The following PPP1R16A variants were observed in gnomAD, a reference collection of about 807,000 sequenced individuals.
PPP1R16A encodes the protein protein phosphatase 1 regulatory subunit 16A.
PPP1R16A carries 39 observed loss-of-function variants against 46.6 expected under a neutral mutation model. That is an observed-to-expected ratio of 0.84 (90% CI 0.65 to 1.09). PPP1R16A has a LOEUF of 1.09. PPP1R16A is among the 50% of genes least tolerant of loss of function. PPP1R16A has a pLI of 0.00. For missense variants in PPP1R16A, 798 were observed against 735.6 expected, an observed-to-expected ratio of 1.08 and a Z score of -0.98; for synonymous variants, 413 against 321.5, an observed-to-expected ratio of 1.28 and a Z score of -3.04.
Position 144,501,655 on chromosome 8 carries a change from C to G in PPP1R16A, c.1339C>G (p.Leu447Val). The G allele has an allele frequency of 1.9e-6, 3 of 1,610,884 alleles. No homozygotes were observed. The highest frequency in any genetic ancestry group is 2.5e-6 in the Non-Finnish European group (3 of 1,179,076). ...CCTGGACAGCACCACCCCCCACACC[C>G]TGGTCCACGACAAGGCCCACCACAC... is the stretch of plus-strand genomic sequence containing the variant. ...SPLDSTTPHTLVHDKAHHTLA... is the reference protein window; with the variant it reads ...SPLDSTTPHTVVHDKAHHTLA... Residue 447 changes from leucine to valine, a missense_variant, in exon 12 of 12, where the codon CTG becomes GTG. By Grantham distance (32) the Leu-to-Val change is conservative. Transcript: ENST00000435887.
rs750983778 is a variant in PPP1R16A, at chr8:144,501,929, C to G, written c.*26C>G. On this transcript the variant is annotated 3_prime_UTR_variant, in exon 12 of 12. Coordinates refer to ENST00000435887, the MANE Select transcript of PPP1R16A (RefSeq NM_001329443.2). ...GGCTGTTGCTCAGCATGCAGGGGCC[C>G]TGTCGCGGGCACAGCCCAAGGCTGC... 6.7e-7 allele frequency: 1 copy of G among 1,489,544 alleles called. No individual in the cohort carries two copies. The highest frequency in any genetic ancestry group is 8.9e-7 in the Non-Finnish European group (1 of 1,121,012). The allele number at this position is 1,489,544 out of a possible 1,614,324, so 92.3% of individuals were successfully genotyped here.
chr8:144,501,031 G>T (rs930368592), intron 10 of PPP1R16A, 60 bp downstream of exon 10: 1,792 of 1,504,708 alleles, frequency 1.2e-3, no homozygotes, highest in Non-Finnish European at 1.5e-3. Context: ...TCAGCCCCGG[G>T]CGGAGTGCCA....
intron 3 of PPP1R16A, chr8:144,498,457 C>T: frequency 2.4e-6 from 1 of 408,362 alleles, no homozygotes; most frequent in East Asian, 4.3e-5. Flanking sequence ...GGAGCTCTTC[C>T]TGGGCTGGAG....
chr8:144,499,190 C>T, intron 5 of PPP1R16A, 129 bp downstream of exon 5: 8 of 1,231,206 alleles, frequency 6.5e-6, no homozygotes, highest in East Asian at 2.6e-5. Context: ...CTGACCCTGC[C>T]TGTGTCCTGG....
intron 1 of PPP1R16A, among the ~76,000 whole-genome samples, chr8:144,483,315 C>T (rs1319962113): frequency 6.6e-6 from 1 of 152,228 alleles, no homozygotes; most frequent in African/African-American, 2.4e-5. Flanking sequence ...AGGCTTTCCT[C>T]CTGTTTCATG....
At chr8:144,483,805 A>G (rs1487878721) in intron 1 of PPP1R16A, among the ~76,000 whole-genome samples, 3 of 152,146 alleles carry the variant, frequency 2.0e-5, no homozygotes, top group Non-Finnish European at 4.4e-5. Flanking sequence ...GGTTCAAGCA[A>G]TCCTCCTGCT....
chr8:144,492,924 A>G (rs1825876198), intron 2 of PPP1R16A, among the ~76,000 whole-genome samples: 1 of 152,014 alleles, frequency 6.6e-6, no homozygotes, highest in Non-Finnish European at 1.5e-5. Context: ...CACCATGGAC[A>G]CTGGGAGATG....
In PPP1R16A at chr8:144,500,893, A is replaced by C; in HGVS notation, c.959A>C (p.Lys320Thr). Residue 320 changes from lysine (K) to threonine (T), a missense_variant, in exon 10 of 12, where the codon AAG becomes ACG. By Grantham distance (78) the Lys-to-Thr change is moderately conservative. Transcript: ENST00000435887. ...GCCAAGCTGCTGGAGCTGAAGCACA[A>C]GCACGACGCCCTCCTGCGCGCCCAG... Reference protein sequence around the residue: ...VRAKLLELKHKHDALLRAQSR... With the variant: ...VRAKLLELKHTHDALLRAQSR... The C allele has an allele frequency of 5.2e-6, 8 of 1,548,596 alleles. No individual in the cohort carries two copies. The highest frequency in any genetic ancestry group is 7.0e-6 in the Non-Finnish European group (8 of 1,149,140).
In PPP1R16A at chr8:144,500,749, G is replaced by A. The variant is rs1345377066; in HGVS notation, c.895G>A (p.Glu299Lys). 1.2e-6 allele frequency: 2 copies of A among 1,611,796 alleles called. No homozygotes were observed. Among genetic ancestry groups the A allele is most frequent in the African/African-American group, 1.3e-5 (1 of 75,040 alleles). The part of the protein sequence containing the change: ...ADLNAKSLMD[E>K]TPLDVCGDEE... ...CCTGAACGCAAAGTCCCTGATGGAC[G>A]AGACGCCCCTTGGTGAGCTTGCGGG... is the stretch of plus-strand genomic sequence containing the variant. The change falls in exon 9 of 12, where the codon GAG becomes AAG. Residue 299 changes from glutamate to lysine, a missense_variant. Glu to Lys is a moderately conservative substitution (Grantham distance 56, BLOSUM62 1). Transcript: ENST00000435887.
intron 1 of PPP1R16A, 61 bp downstream of exon 1, chr8:144,478,188 A>G (rs1233993929): frequency 1.8e-5 from 7 of 393,010 alleles, no homozygotes; most frequent in African/African-American, 1.0e-4. Context: ...GGCCCCGGCC[A>G]GGGAGAGCAG....
At chr8:144,478,191 G>T (rs1207287182) in intron 1 of PPP1R16A, 64 bp downstream of exon 1, 3 of 393,226 alleles carry the variant, frequency 7.6e-6, no homozygotes, top group Middle Eastern at 6.4e-4. Flanking sequence ...CCCGGCCAGG[G>T]AGAGCAGTGG....
chr8:144,489,853 G>A (rs1443058349), intron 1 of PPP1R16A, among the ~76,000 whole-genome samples, 181 bp from the exon 2 acceptor site: 1 of 152,214 alleles, frequency 6.6e-6, no homozygotes, highest in Non-Finnish European at 1.5e-5. Context: ...TCACATTTCA[G>A]GAGGTCTCTA....
intron 2 of PPP1R16A, chr8:144,495,651 T>A (rs549153321): frequency 6.6e-6 from 1 of 152,398 alleles, no homozygotes; most frequent in African/African-American, 2.4e-5. Context: ...TTAGCTAGGA[T>A]GGTCTCGATC....
intron 1 of PPP1R16A, among the ~76,000 whole-genome samples, chr8:144,484,767 G>C (rs184949265): frequency 6.6e-6 from 1 of 152,202 alleles, no homozygotes; most frequent in Admixed American, 6.5e-5. Flanking sequence ...TGGTCCACGC[G>C]TATCTCCTGT....
At position 144,478,033 on chromosome 8, in the gene PPP1R16A, GGGGCCCGCCCC is replaced by G. The variant is rs1825245287; in HGVS notation, c.-1007_-997del. ...CGTTGCCATGGCGAGGGCCGGGTGC[GGGGCCCGCCCC>G]CGCAGCGCCTCAGGGAGCGCGGGGC... On this transcript the variant is annotated 5_prime_UTR_variant, in exon 1 of 12. The change creates a premature stop within an existing upstream ORF in the 5' untranslated region. Coordinates refer to ENST00000435887, the MANE Select transcript of PPP1R16A (RefSeq NM_001329443.2). The G allele has an allele frequency of 8.9e-5, 35 of 394,194 alleles. No homozygotes were observed. The Admixed American group carries it at 1.6e-3, about 18-fold the overall frequency. 24.4% of individuals were successfully genotyped at this position (394,194 alleles called of 1,614,324 possible).
chr8:144,495,116 G>A (rs538336034), intron 2 of PPP1R16A, among the ~76,000 whole-genome samples: 2 of 152,342 alleles, frequency 1.3e-5, no homozygotes, highest in African/African-American at 4.8e-5. Context: ...CAGGGCCACT[G>A]GCCTTATTGG....
rs771707681 is a variant in PPP1R16A, at chr8:144,501,663, C to T, written c.1347C>T (p.His449=). ...GCACCACCCCCCACACCCTGGTCCA[C>T]GACAAGGCCCACCACACCCTGGCTG... The part of the protein sequence containing the change: ...LDSTTPHTLV[H]DKAHHTLADL... The change falls in exon 12 of 12, where the codon CAC becomes CAT. Residue 449 remains histidine (H), a synonymous_variant. Transcript: ENST00000435887. The T allele has an allele frequency of 8.1e-6, 13 of 1,610,070 alleles. No homozygotes were observed. Among genetic ancestry groups the T allele is most frequent in the East Asian group, 6.7e-5 (3 of 44,566 alleles).
chr8:144,500,951 C>T lies in PPP1R16A; in HGVS notation c.1017C>T (p.Thr339=). 2.0e-6 allele frequency: 3 copies of T among 1,487,226 alleles called. No individual in the cohort carries two copies. The highest frequency in any genetic ancestry group is 1.8e-6 in the Non-Finnish European group (2 of 1,126,570). The allele number at this position is 1,487,226 out of a possible 1,614,324, so 92.1% of individuals were successfully genotyped here. The part of the protein sequence containing the change: ...SRQRSLLRRR[T]SSAGSRGKVV... ...AGCGCTCCTTGCTGCGCCGCCGCAC[C>T]TCCAGCGCCGGCAGCCGCGGGTGAG... is the stretch of plus-strand genomic sequence containing the variant. Residue 339 remains threonine, a synonymous_variant, in exon 10 of 12, where the codon ACC becomes ACT. Coordinates refer to ENST00000435887, the MANE Select transcript of PPP1R16A (RefSeq NM_001329443.2).
At position 144,499,013 on chromosome 8, in the gene PPP1R16A, C is replaced by T. The variant is rs1003732832; in HGVS notation, c.428C>T (p.Ala143Val). The T allele has an allele frequency of 1.6e-5, 25 of 1,589,898 alleles. No individual in the cohort carries two copies. Among genetic ancestry groups the T allele is most frequent in the Non-Finnish European group, 2.1e-5 (24 of 1,164,638 alleles). Residue 143 changes from alanine to valine, a missense_variant, in exon 5 of 12, where the codon GCT becomes GTT. Ala to Val is a moderately conservative substitution (Grantham distance 64, BLOSUM62 0). Coordinates refer to ENST00000435887, the MANE Select transcript of PPP1R16A (RefSeq NM_001329443.2). The stretch of plus-strand genomic sequence containing the variant: ...AGTGAGTGCTGGACGCCTCTGCATG[C>T]TGCGGCCACCTGCGGCCACCTGCAC... The part of the protein sequence containing the change: ...CDSECWTPLH[A>V]AATCGHLHLV...
Sources: gnomAD v4.1 joint callset for allele counts (sites outside exome capture counted in the v4.1 genomes callset) on GRCh38, gnomAD v4.1.1 for gene constraint, MANE v1.5 for transcripts, NCBI Gene and HGNC (gene_info 2026-07-23, HGNC 2026-07-21) for gene names.